The following UBE3C variants were observed in gnomAD, a reference collection of about 807,000 sequenced individuals.
UBE3C encodes ubiquitin-protein ligase E3C.
UBE3C carries 42 observed loss-of-function variants against 129.4 expected under a neutral mutation model. That is an observed-to-expected ratio of 0.32 (90% CI 0.25 to 0.42). The LOEUF (loss-of-function observed/expected upper bound fraction) is 0.42, where lower values mean the gene tolerates loss of function less well. Ranked by LOEUF, UBE3C falls within the 10% of genes least tolerant of loss-of-function variation. UBE3C has a pLI of 1.00. For missense variants in UBE3C, 1,049 were observed against 1,319.1 expected (o/e 0.80, Z 3.17); for synonymous variants, 510 against 492.4 (o/e 1.04, Z -0.47).
At chr7:157,217,191 T>A in intron 14 of UBE3C, 1 of 388,604 alleles carries the variant, frequency 2.6e-6, no homozygotes, top group East Asian at 5.1e-5. Flanking sequence ...TAATCCTCAA[T>A]TTTCCTTTTT....
At position 157,183,882 on chromosome 7, in the gene UBE3C, C is replaced by T; in HGVS notation, c.996C>T (p.Ala332=). The T allele has an allele frequency of 6.2e-7, 1 of 1,612,314 alleles. No individual in the cohort carries two copies. The highest frequency in any genetic ancestry group is 8.5e-7 in the Non-Finnish European group (1 of 1,179,042). ...TTAACTGATTGTTTTGCAAAGGGGC[C>T]CTCTCTGAGGAAGGGCTGCTGGTGT... is the stretch of plus-strand genomic sequence containing the variant. ...VLTVGENYLG[A]LSEEGLLVYL... Residue 332 remains alanine, a synonymous_variant, in exon 9 of 23, where the codon GCC becomes GCT. Coordinates refer to ENST00000348165, the MANE Select transcript of UBE3C (RefSeq NM_014671.3).
At chr7:157,184,119 A>C in intron 9 of UBE3C, 90 bp downstream of exon 9, 1 of 1,526,542 alleles carries the variant, frequency 6.6e-7, no homozygotes, top group Non-Finnish European at 8.9e-7. Context: ...TTTCAGTTAC[A>C]CAAGTCAGAC....
chr7:157,218,528 A>G (rs944640861), intron 14 of UBE3C, among the ~76,000 whole-genome samples: 4 of 152,218 alleles, frequency 2.6e-5, no homozygotes, highest in Non-Finnish European at 4.4e-5. Flanking sequence ...TTTTATAAGC[A>G]TGACTATGTC....
Position 157,227,420 on chromosome 7 carries a change from G to A in UBE3C, c.2233+1881G>A, listed in dbSNP as rs368850380. Among the ~76,000 whole-genome samples the A allele has an allele frequency of 1.6e-4, 25 of 152,100 alleles. No homozygotes were observed. In the South Asian group the frequency reaches 1.9e-3, roughly 11 times the overall value. ...TTAACTTTAAAACTACTCCCTGGGC[G>A]TGGCGCAGTGGCTCACGCCTGTAAT... is the stretch of plus-strand genomic sequence containing the variant. On this transcript the variant is annotated intron_variant, in intron 17 of 22. Transcript: ENST00000348165.
chr7:157,164,153 T>C (rs1433077985), intron 2 of UBE3C, among the ~76,000 whole-genome samples: 5 of 152,026 alleles, frequency 3.3e-5, no homozygotes, highest in Non-Finnish European at 7.4e-5. Context: ...AATGTTCATA[T>C]TTCTTTTTCT....
intron 5 of UBE3C, 102 bp downstream of exon 5, chr7:157,175,136 A>AATTTTTT: frequency 1.7e-4 from 64 of 372,508 alleles, no homozygotes; most frequent in East Asian, 6.3e-4. Flanking sequence ...GCTTTTCCAT[A>AATTTTTT]CTTTTTTTTT....
intron 16 of UBE3C, among the ~76,000 whole-genome samples, chr7:157,224,457 G>A (rs1795820057): frequency 6.6e-6 from 1 of 152,062 alleles, no homozygotes; most frequent in Non-Finnish European, 1.5e-5. Flanking sequence ...GCCTCCCAAA[G>A]TGCTGAAATT....
intron 13 of UBE3C, among the ~76,000 whole-genome samples, chr7:157,214,146 T>C (rs1809670782): frequency 6.6e-6 from 1 of 152,096 alleles, no homozygotes; most frequent in Non-Finnish European, 1.5e-5. Context: ...CAAGGATCCA[T>C]GGTACTGGCA....
At position 157,139,207 on chromosome 7, in the gene UBE3C, C is replaced by G. The variant is rs1212762767; in HGVS notation, c.-66C>G. 21 of 1,272,148 alleles carry G rather than the reference C, an allele frequency of 1.7e-5. No individual in the cohort carries two copies. Among genetic ancestry groups the G allele is most frequent in the Non-Finnish European group, 1.8e-5 (18 of 992,926 alleles). 78.8% of individuals were successfully genotyped at this position (1,272,148 alleles called of 1,614,324 possible). A position where few individuals can be genotyped will look rare whatever the true frequency, so the allele number is the denominator to read the frequency against. On this transcript the variant is annotated 5_prime_UTR_variant, in exon 1 of 23. Transcript: ENST00000348165. ...CGGGCGCCGAGAGCCTCCCAGCCCG[C>G]CCCGTGCCCCGCCCGCCCGGCTGCT...
chr7:157,184,561 C>T (rs1180987542), intron 9 of UBE3C, among the ~76,000 whole-genome samples: 1 of 152,172 alleles, frequency 6.6e-6, no homozygotes, highest in Non-Finnish European at 1.5e-5. Flanking sequence ...AAGAATTTAA[C>T]CGCCAATGAC....
At chr7:157,152,059 A>C (rs1468939656) in intron 1 of UBE3C, among the ~76,000 whole-genome samples, 4 of 152,166 alleles carry the variant, frequency 2.6e-5, no homozygotes, top group Non-Finnish European at 5.9e-5. Context: ...TATTAACATT[A>C]CTGTCACCAG....
At position 157,257,008 on chromosome 7, in the gene UBE3C, A is replaced by G; in HGVS notation, c.3045A>G (p.Val1015=). The G allele has an allele frequency of 6.2e-7, 1 of 1,614,230 alleles. No homozygotes were observed. The highest frequency in any genetic ancestry group is 2.2e-5 in the East Asian group (1 of 44,884). ...DEEKRKLLKF[V]TSCSRPPLLG... ...AAAAGCGCAAACTGCTGAAGTTTGT[A>G]ACAAGCTGCTCTCGACCCCCTCTCT... The change falls in exon 22 of 23, where the codon GTA becomes GTG. Residue 1015 remains valine, a synonymous_variant. Transcript: ENST00000348165.
chr7:157,194,266 G>T (rs193302144), intron 10 of UBE3C, among the ~76,000 whole-genome samples: 19 of 152,270 alleles, frequency 1.2e-4, no homozygotes, highest in African/African-American at 4.3e-4. Flanking sequence ...CTAAATTATG[G>T]CACTGAGAAA....
intron 17 of UBE3C, among the ~76,000 whole-genome samples, chr7:157,229,506 G>A (rs546473404): frequency 6.6e-6 from 1 of 152,172 alleles, no homozygotes; most frequent in East Asian, 1.9e-4. Context: ...TAGTAGAGAC[G>A]GGGTTTCACC....
intron 4 of UBE3C, among the ~76,000 whole-genome samples, chr7:157,172,236 T>C (rs539315087): frequency 6.6e-6 from 1 of 151,852 alleles, no homozygotes; most frequent in Non-Finnish European, 1.5e-5. Context: ...GGTTTCACCA[T>C]GTTGGCCAGG....
chr7:157,206,294 G>T (rs367930481), intron 11 of UBE3C, among the ~76,000 whole-genome samples: 2 of 152,032 alleles, frequency 1.3e-5, no homozygotes, highest in African/African-American at 4.8e-5. Flanking sequence ...ACGGAGTCTC[G>T]CCCTGTTGCC....
At chr7:157,256,767 G>A in intron 21 of UBE3C, 147 bp from the exon 22 acceptor site, 2 of 920,264 alleles carry the variant, frequency 2.2e-6, no homozygotes, top group Non-Finnish European at 3.4e-6. Context: ...CACGTACACA[G>A]GTGATACACA....
At chr7:157,193,599 G>A (rs1460840823) in intron 10 of UBE3C, among the ~76,000 whole-genome samples, 3 of 151,048 alleles carry the variant, frequency 2.0e-5, no homozygotes, top group African/African-American at 2.4e-5. Context: ...TGTGGGAGAA[G>A]AATATCACTT....
Position 157,178,708 on chromosome 7 carries a change from T to G in UBE3C, c.477T>G (p.Asn159Lys). Residue 159 changes from asparagine (N) to lysine (K), a missense_variant, in exon 6 of 23, where the codon AAT becomes AAG. This residue lies in a region of UBE3C where 489 missense variants were observed against 513.8 expected (regional missense o/e 0.95). Transcript: ENST00000348165. ...SLCCRLLQNC[N>K]DDSLNVALPM... ...TTTACAGGTTGCTGCAAAACTGTAATGATGACAGTTTGAATGTTGCACTTC... is the reference window on the plus strand; with the variant it reads ...TTTACAGGTTGCTGCAAAACTGTAAGGATGACAGTTTGAATGTTGCACTTC... 1 of 1,614,064 alleles carries G rather than the reference T, an allele frequency of 6.2e-7. No homozygotes were observed. The highest frequency in any genetic ancestry group is 8.5e-7 in the Non-Finnish European group (1 of 1,179,916).
Sources: allele counts gnomAD v4.1 joint callset (sites outside exome capture counted in the v4.1 genomes callset), GRCh38; gene constraint gnomAD v4.1.1; regional missense constraint gnomAD v4.1.1; transcripts MANE v1.5; gene names NCBI Gene and HGNC (gene_info 2026-07-23, HGNC 2026-07-21).